The following ZFHX3 variants were observed in gnomAD, a reference collection of about 807,000 sequenced individuals.
ZFHX3 encodes zinc finger homeobox protein 3.
A neutral mutation model predicts 279.1 loss-of-function variants in ZFHX3; 42 were observed. The observed-to-expected ratio is 0.15, with a 90% CI of 0.12 to 0.19. The LOEUF is 0.19. ZFHX3 is among the 10% of genes least tolerant of loss of function. The pLI, the probability that ZFHX3 is intolerant of heterozygous loss-of-function variation, is 1.00. For synonymous variants in ZFHX3, 2,293 were observed against 1,957.8 expected, an observed-to-expected ratio of 1.17 and a Z score of -4.52; for missense variants, 4,981 against 4,754.0, an observed-to-expected ratio of 1.05 and a Z score of -1.40.
chr16:73,300,991 C>T (rs1038245289), intron 4 of ZFHX3, among the ~76,000 whole-genome samples: 3 of 152,198 alleles, frequency 2.0e-5, no homozygotes, highest in African/African-American at 7.2e-5. Context: ...GTGGACCCTC[C>T]TCCAATTCTA....
intron 1 of ZFHX3, among the ~76,000 whole-genome samples, chr16:73,878,422 A>C (rs1386484098): frequency 6.6e-6 from 1 of 152,160 alleles, no homozygotes; most frequent in African/African-American, 2.4e-5. Flanking sequence ...TCTTTGACAC[A>C]GAGTAAAACT....
intron 1 of ZFHX3, among the ~76,000 whole-genome samples, chr16:73,756,818 T>C (rs112543873): frequency 2.3e-3 from 355 of 151,704 alleles, no homozygotes; most frequent in Admixed American, 4.0e-3. Flanking sequence ...TTATTTATGA[T>C]CTTGGTGCCT....
chr16:72,994,345 T>C (rs1963201552), intron 1 of ZFHX3, among the ~76,000 whole-genome samples: 1 of 152,246 alleles, frequency 6.6e-6, no homozygotes, highest in Non-Finnish European at 1.5e-5. Flanking sequence ...GCTGTATTAC[T>C]TCCACCTTCA....
chr16:73,698,049 A>T (rs915396612), intron 1 of ZFHX3, among the ~76,000 whole-genome samples: 2 of 152,182 alleles, frequency 1.3e-5, no homozygotes, highest in African/African-American at 4.8e-5. Flanking sequence ...AGGAAGAGCC[A>T]TATCAAAAAA....
At chr16:73,623,874 C>G (rs2052391782) in intron 2 of ZFHX3, among the ~76,000 whole-genome samples, 1 of 152,126 alleles carries the variant, frequency 6.6e-6, no homozygotes, top group South Asian at 2.1e-4. Flanking sequence ...AAATGATGTA[C>G]TACAATTACC....
intron 1 of ZFHX3, among the ~76,000 whole-genome samples, chr16:73,044,506 TAA>T (rs1405816774): frequency 6.6e-6 from 1 of 152,356 alleles, no homozygotes; most frequent in Admixed American, 6.5e-5. Flanking sequence ...GGAGTTTATA[TAA>T]GTTTGTTCAG....
intron 1 of ZFHX3, among the ~76,000 whole-genome samples, chr16:73,822,762 T>C (rs1183839652): frequency 1.3e-5 from 2 of 152,212 alleles, no homozygotes; most frequent in East Asian, 1.9e-4. Context: ...TTCTAACAGA[T>C]GCCAGAAGAA....
At chr16:73,187,544 G>C (rs1240048546) in intron 5 of ZFHX3, among the ~76,000 whole-genome samples, 1 of 152,224 alleles carries the variant, frequency 6.6e-6, no homozygotes, top group African/African-American at 2.4e-5. Context: ...TCCTGTGGCA[G>C]ATGGGGGCAT....
intron 5 of ZFHX3, among the ~76,000 whole-genome samples, chr16:73,161,817 C>G (rs1456004150): frequency 6.6e-6 from 1 of 152,122 alleles, no homozygotes; most frequent in African/African-American, 2.4e-5. Context: ...GCCTGTTGGA[C>G]CCCTTACTTC....
At chr16:73,825,516 A>C (rs1282883060) in intron 1 of ZFHX3, among the ~76,000 whole-genome samples, 3 of 132,382 alleles carry the variant, frequency 2.3e-5, no homozygotes, top group Non-Finnish European at 4.6e-5. Context: ...GTTTTCTTCT[A>C]GGGTTTTTAT....
intron 2 of ZFHX3, among the ~76,000 whole-genome samples, chr16:73,460,108 C>A (rs1360979427): frequency 6.6e-6 from 1 of 152,168 alleles, no homozygotes; most frequent in Non-Finnish European, 1.5e-5. Flanking sequence ...GGGCCACACC[C>A]CCTTCCCTCC....
intron 4 of ZFHX3, among the ~76,000 whole-genome samples, chr16:72,861,588 C>A (rs1200736630): frequency 6.6e-6 from 1 of 152,082 alleles, no homozygotes; most frequent in South Asian, 2.1e-4. Context: ...TCCTGGAAAA[C>A]CAGAGTCCAG....
At chr16:72,845,144 G>C (rs1328783872) in intron 4 of ZFHX3, among the ~76,000 whole-genome samples, 2 of 152,092 alleles carry the variant, frequency 1.3e-5, no homozygotes, top group African/African-American at 4.8e-5. Context: ...TCCAAGCGGG[G>C]GAAACAGAGG....
chr16:73,575,691 C>T (rs2051792626), intron 2 of ZFHX3, among the ~76,000 whole-genome samples: 2 of 152,008 alleles, frequency 1.3e-5, no homozygotes, highest in East Asian at 3.9e-4. Context: ...TGTCAGTTTC[C>T]CTCCTGAGCT....
At chr16:73,449,047 G>A (rs1031141726) in intron 3 of ZFHX3, among the ~76,000 whole-genome samples, 23 of 152,150 alleles carry the variant, frequency 1.5e-4, no homozygotes, top group Middle Eastern at 3.4e-3. Flanking sequence ...TTGCAACACT[G>A]AAATATTCTC....
intron 2 of ZFHX3, among the ~76,000 whole-genome samples, chr16:73,584,714 G>C (rs533848460): frequency 6.6e-6 from 1 of 152,284 alleles, no homozygotes; most frequent in South Asian, 2.1e-4. Flanking sequence ...AAAAGCAATT[G>C]CAACAAAAGC....
At chr16:72,973,661 C>T (rs924591033) in intron 1 of ZFHX3, 1 of 152,204 alleles carries the variant, frequency 6.6e-6, no homozygotes, top group African/African-American at 2.4e-5. Flanking sequence ...GGTGGATCAT[C>T]TGAAGTCAGG....
chr16:73,882,196 G>A (rs2030189684), intron 1 of ZFHX3, among the ~76,000 whole-genome samples: 1 of 152,068 alleles, frequency 6.6e-6, no homozygotes, highest in African/African-American at 2.4e-5. Context: ...CCACAGATCA[G>A]TAAGACCCAC....
At chr16:72,945,557 G>A (rs1244076864) in intron 3 of ZFHX3, among the ~76,000 whole-genome samples, 1 of 152,082 alleles carries the variant, frequency 6.6e-6, no homozygotes, top group African/African-American at 2.4e-5. Context: ...CAAAACATCT[G>A]GCCTTGCACA....
Sources: gnomAD v4.1 joint callset for allele counts (sites outside exome capture counted in the v4.1 genomes callset) on GRCh38, gnomAD v4.1.1 for gene constraint, MANE v1.5 for transcripts, NCBI Gene and HGNC (gene_info 2026-07-23, HGNC 2026-07-21) for gene names.